The following PCDHA12 variants were observed in gnomAD, a reference collection of about 807,000 sequenced individuals.
PCDHA12 encodes the protein protocadherin alpha 12.
PCDHA12 carries 44 observed loss-of-function variants against 60.0 expected under a neutral mutation model. The ratio of observed to expected loss-of-function variants is 0.73; its 90% CI spans 0.58 to 0.94. The LOEUF is 0.94. Ranked by LOEUF, PCDHA12 falls within the 40% of genes least tolerant of loss-of-function variation. PCDHA12 has a pLI of 0.00. For missense variants in PCDHA12, 1,276 were observed against 1,239.7 expected, an observed-to-expected ratio of 1.03 and a Z score of -0.44; for synonymous variants, 569 against 553.0, an observed-to-expected ratio of 1.03 and a Z score of -0.40.
At chr5:140,975,343 A>G (rs997568363) in intron 1 of PCDHA12, among the ~76,000 whole-genome samples, 1 of 152,224 alleles carries the variant, frequency 6.6e-6, no homozygotes, top group Middle Eastern at 3.2e-3. Context: ...TCCCTTTCTT[A>G]AAGCCAACTG....
chr5:140,920,841 T>TAAAAAAAA (rs781921146), intron 1 of PCDHA12, among the ~76,000 whole-genome samples: 2 of 109,228 alleles, frequency 1.8e-5, no homozygotes, highest in Non-Finnish European at 1.9e-5. Context: ...AGACCAAATC[T>TAAAAAAAA]AAAAAAAAAA....
At chr5:140,917,332 G>GC (rs1293292013) in intron 1 of PCDHA12, among the ~76,000 whole-genome samples, 1 of 145,540 alleles carries the variant, frequency 6.9e-6, no homozygotes, top group Non-Finnish European at 1.5e-5. Flanking sequence ...GGCGGGGGAG[G>GC]GGGGGGATGG....
chr5:140,942,840 T>C (rs75984395), intron 1 of PCDHA12, among the ~76,000 whole-genome samples: 6,117 of 152,206 alleles, frequency 0.04, 136 homozygotes, highest in Non-Finnish European at 0.052. Context: ...CAATAAAAAT[T>C]CCAGTAAGAT....
intron 1 of PCDHA12, among the ~76,000 whole-genome samples, chr5:140,879,144 G>A (rs1309421547): frequency 6.6e-6 from 1 of 152,168 alleles, no homozygotes; most frequent in Non-Finnish European, 1.5e-5. Context: ...TGTGAAGGCA[G>A]GAAAGCTATT....
chr5:140,907,263 C>T (rs985030606), intron 1 of PCDHA12, among the ~76,000 whole-genome samples: 2 of 152,220 alleles, frequency 1.3e-5, no homozygotes, highest in Admixed American at 1.3e-4. Flanking sequence ...CTTCAAAAGG[C>T]CATTCCATCA....
At chr5:140,947,996 T>C (rs185303145) in intron 1 of PCDHA12, among the ~76,000 whole-genome samples, 1 of 126,772 alleles carries the variant, frequency 7.9e-6, no homozygotes, top group Non-Finnish European at 1.7e-5. Context: ...CCAAATACTT[T>C]ATTAAATTTA....
intron 1 of PCDHA12, chr5:140,882,890 C>T (rs2059348397): frequency 6.2e-7 from 1 of 1,614,060 alleles, no homozygotes; most frequent in East Asian, 2.2e-5. Flanking sequence ...AATTCAGGAA[C>T]ATAGTTTATT....
At chr5:140,939,089 A>C (rs1048123737) in intron 1 of PCDHA12, among the ~76,000 whole-genome samples, 11 of 152,204 alleles carry the variant, frequency 7.2e-5, no homozygotes, top group Non-Finnish European at 1.2e-4. Context: ...TGGGTGGCTT[A>C]AAAACAATAG....
intron 1 of PCDHA12, chr5:140,883,064 G>A (rs2059422329): frequency 1.2e-6 from 2 of 1,614,096 alleles, no homozygotes; most frequent in Non-Finnish European, 1.7e-6. Context: ...CAAGCTAAAT[G>A]CCACAGATCC....
chr5:140,975,522 G>A (rs2096670563), intron 1 of PCDHA12, among the ~76,000 whole-genome samples: 1 of 152,128 alleles, frequency 6.6e-6, no homozygotes, highest in African/African-American at 2.4e-5. Context: ...ATCTGCAGTG[G>A]ATATATTCTT....
chr5:140,981,335 AG>A (rs2096927378), intron 2 of PCDHA12, among the ~76,000 whole-genome samples: 3 of 152,168 alleles, frequency 2.0e-5, no homozygotes, highest in Non-Finnish European at 4.4e-5. Context: ...GCACTTTGGG[AG>A]GGTGAGGCAG....
At chr5:140,887,062 C>A (rs1183265871) in intron 1 of PCDHA12, among the ~76,000 whole-genome samples, 2 of 151,718 alleles carry the variant, frequency 1.3e-5, no homozygotes, top group African/African-American at 4.8e-5. Flanking sequence ...GTTCTGGCAA[C>A]AAATTCACTC....
intron 1 of PCDHA12, among the ~76,000 whole-genome samples, chr5:140,920,232 A>C (rs1463016764): frequency 6.6e-6 from 1 of 152,232 alleles, no homozygotes; most frequent in African/African-American, 2.4e-5. Flanking sequence ...ATAGTATTAT[A>C]TACCCAACAA....
At chr5:140,987,432 T>G (rs1401623974) in intron 3 of PCDHA12, among the ~76,000 whole-genome samples, 1 of 152,152 alleles carries the variant, frequency 6.6e-6, no homozygotes, top group Non-Finnish European at 1.5e-5. Flanking sequence ...GCAGGGGGCC[T>G]TTCCCCATGC....
At chr5:140,929,459 G>A in intron 1 of PCDHA12, 1 of 1,350,080 alleles carries the variant, frequency 7.4e-7, no homozygotes. Flanking sequence ...CACTTCCTGT[G>A]CCAAGAAATC....
intron 1 of PCDHA12, chr5:140,929,046 C>CT (rs1229193922): frequency 6.2e-7 from 1 of 1,614,206 alleles, no homozygotes; most frequent in Non-Finnish European, 8.5e-7. Flanking sequence ...CTCAGAGCTG[C>CT]TGTCGCTCTA....
rs75087916 is a variant in PCDHA12, at chr5:140,963,063, T to G, written c.2368-15886T>G. Among the ~76,000 whole-genome samples, 783 of 152,260 alleles carry G rather than the reference T, an allele frequency of 5.1e-3. 9 individuals carry two copies. Among genetic ancestry groups the G allele is most frequent in the African/African-American group, 0.018 (742 of 41,556 alleles). ...AGAGTCTATAAGGGTTTCTACATTGTGAAGGAGACAGAAATATAAGACATG... is the reference window on the plus strand; with the variant it reads ...AGAGTCTATAAGGGTTTCTACATTGGGAAGGAGACAGAAATATAAGACATG... On this transcript the variant is annotated intron_variant, in intron 1 of 3. Transcript: ENST00000398631.
intron 3 of PCDHA12, among the ~76,000 whole-genome samples, chr5:140,997,147 A>G (rs545988847): frequency 5.9e-5 from 9 of 152,134 alleles, no homozygotes; most frequent in African/African-American, 2.2e-4. Context: ...CCCCCGCCAC[A>G]GTGACATCCT....
chr5:140,878,420 A>G (rs2057587520), intron 1 of PCDHA12, among the ~76,000 whole-genome samples: 1 of 152,236 alleles, frequency 6.6e-6, no homozygotes, highest in African/African-American at 2.4e-5. Flanking sequence ...TATTTCAAGT[A>G]GGAATAGATA....
Sources: allele counts gnomAD v4.1 joint callset (sites outside exome capture counted in the v4.1 genomes callset), GRCh38; gene constraint gnomAD v4.1.1; transcripts MANE v1.5; gene names NCBI Gene and HGNC (gene_info 2026-07-23, HGNC 2026-07-21).